FCRL3: variants seen among roughly 807,000 people sequenced by gnomAD.
FCRL3 encodes the protein Fc receptor like 3, also known as Fc receptor-like protein 3.
FCRL3 carries 89 observed loss-of-function variants against 75.0 expected under a neutral mutation model. The ratio of observed to expected loss-of-function variants is 1.19; its 90% CI spans 1.00 to 1.42. The LOEUF is 1.42. FCRL3 is among the 40% of genes most tolerant of loss of function. The pLI, the probability that FCRL3 is intolerant of heterozygous loss-of-function variation, is 0.00. For synonymous variants in FCRL3, 376 were observed against 348.5 expected (o/e 1.08, Z -0.88); for missense variants, 946 against 880.0 (o/e 1.07, Z -0.95).
chr1:157,686,089 A>T (rs567960932), intron 10 of FCRL3, among the ~76,000 whole-genome samples: 1 of 152,230 alleles, frequency 6.6e-6, no homozygotes, highest in Non-Finnish European at 1.5e-5. Context: ...CTCTGCCAAG[A>T]GTAAGGTTTC....
Position 157,678,580 on chromosome 1 carries a change from C to G in FCRL3, c.*130G>C. 6.6e-7 allele frequency: 1 copy of G among 1,514,228 alleles called. No homozygotes were observed. The highest frequency in any genetic ancestry group is 1.3e-5 in the South Asian group (1 of 75,418). 93.8% of individuals were successfully genotyped at this position (1,514,228 alleles called of 1,614,324 possible). On this transcript the variant is annotated 3_prime_UTR_variant, in exon 15 of 15. Coordinates refer to ENST00000368184, the MANE Select transcript of FCRL3 (RefSeq NM_052939.4). ...ACAGGGGAGATTTGCAGACCTTTTG[C>G]TCAGCCTCACATACCCTGCAGCCCA...
At position 157,677,114 on chromosome 1, in the gene FCRL3, C is replaced by G. The variant is rs114125050; in HGVS notation, c.*1596G>C. The G allele has an allele frequency of 1.6e-3, 1,737 of 1,079,548 alleles. 19 individuals carry two copies. In the African/African-American group the frequency reaches 0.026, roughly 16 times the overall value. The allele number at this position is 1,079,548 out of a possible 1,614,324, so 66.9% of individuals were successfully genotyped here. A position where few individuals can be genotyped will look rare whatever the true frequency, so the allele number is the denominator to read the frequency against. On this transcript the variant is annotated 3_prime_UTR_variant, in exon 15 of 15. Transcript: ENST00000368184. ...CACTCAAAGGCCAGGATAAGGGTAA[C>G]AGAGGCCAGTGGGAGCAGTGTGGAT...
At chr1:157,679,486 T>C (rs537667686) in intron 13 of FCRL3, among the ~76,000 whole-genome samples, 11 of 152,242 alleles carry the variant, frequency 7.2e-5, no homozygotes, top group South Asian at 6.2e-4. Context: ...AAGAGTTGCA[T>C]TGGAGCATTG....
rs547233940 is a variant in FCRL3 at position 157,691,101 on chromosome 1, T to C, written c.1412-568A>G. 2.0e-5 allele frequency among the ~76,000 whole-genome samples: 3 copies of C among 152,322 alleles called. No individual in the cohort carries two copies. The South Asian group carries it at 6.2e-4, about 32-fold the overall frequency. On this transcript the variant is annotated intron_variant, in intron 8 of 14. Coordinates refer to ENST00000368184, the MANE Select transcript of FCRL3 (RefSeq NM_052939.4). ...GATGGAGAATTATCTGTTTGTTCGT[T>C]GCTGTATTTATAGCTGTTGGAACTT...
At chr1:157,682,010 T>G (rs1473866722) in intron 11 of FCRL3, among the ~76,000 whole-genome samples, 1 of 151,916 alleles carries the variant, frequency 6.6e-6, no homozygotes, top group Non-Finnish European at 1.5e-5. Flanking sequence ...TGAGCATTTT[T>G]TCATGTGTTT....
At chr1:157,682,141 T>C (rs1654893174) in intron 11 of FCRL3, among the ~76,000 whole-genome samples, 1 of 152,228 alleles carries the variant, frequency 6.6e-6, no homozygotes, top group Admixed American at 6.5e-5. Context: ...TTCCGGATAT[T>C]AGCCGTTTGT....
intron 6 of FCRL3, chr1:157,696,568 G>A: frequency 1.9e-6 from 1 of 521,174 alleles, no homozygotes; most frequent in East Asian, 3.1e-5. Context: ...TAAATCCAAT[G>A]TTTTCTGGTC....
At chr1:157,684,347 C>A (rs1655043427) in intron 10 of FCRL3, among the ~76,000 whole-genome samples, 1 of 152,092 alleles carries the variant, frequency 6.6e-6, no homozygotes, top group African/African-American at 2.4e-5. Context: ...AACATACCAG[C>A]CTTGACTCTC....
At chr1:157,683,467 C>A (rs1206893659) in intron 10 of FCRL3, among the ~76,000 whole-genome samples, 7 of 152,130 alleles carry the variant, frequency 4.6e-5, no homozygotes, top group Admixed American at 4.6e-4. Flanking sequence ...CATTCTGAAT[C>A]ATTTTTCAAT....
intron 10 of FCRL3, among the ~76,000 whole-genome samples, chr1:157,684,736 A>T (rs1655071074): frequency 2.0e-5 from 3 of 152,178 alleles, no homozygotes; most frequent in Admixed American, 2.0e-4. Context: ...AGTGAGTTTA[A>T]CTTATTTGCC....
intron 10 of FCRL3, among the ~76,000 whole-genome samples, chr1:157,684,731 GT>G (rs1655070833): frequency 2.0e-5 from 3 of 152,140 alleles, no homozygotes; most frequent in Admixed American, 2.0e-4. Flanking sequence ...AGTTTAGTGA[GT>G]TTAACTTATT....
chr1:157,700,572 T>C lies in FCRL3; in HGVS notation c.-83A>G. 1 of 1,610,626 alleles carries C rather than the reference T, an allele frequency of 6.2e-7. No individual in the cohort carries two copies. The highest frequency in any genetic ancestry group is 8.5e-7 in the Non-Finnish European group (1 of 1,178,448). ...TCCAAGAAGGAGGGCAGGAAGCTGCTACTCAGATGAGACCTGCAAGAATCA... is the reference window on the plus strand; with the variant it reads ...TCCAAGAAGGAGGGCAGGAAGCTGCCACTCAGATGAGACCTGCAAGAATCA... On this transcript the variant is annotated 5_prime_UTR_variant, in exon 2 of 15. Coordinates refer to ENST00000368184, the MANE Select transcript of FCRL3 (RefSeq NM_052939.4).
chr1:157,693,057 C>T (rs926524666), intron 8 of FCRL3, among the ~76,000 whole-genome samples: 1 of 151,872 alleles, frequency 6.6e-6, no homozygotes, highest in African/African-American at 2.4e-5. Flanking sequence ...GGGTAGATTC[C>T]CTGAGCTCAG....
Position 157,690,475 on chromosome 1 carries a change from C to A in FCRL3, c.1470G>T (p.Gly490=). 3.7e-6 allele frequency: 6 copies of A among 1,614,264 alleles called. No individual in the cohort carries two copies. The highest frequency in any genetic ancestry group is 8.5e-7 in the Non-Finnish European group (1 of 1,180,048). ...ACTCACAGTGAAGCTCCAGCAGGTC[C>A]CCCACCACAGCCTGGGCCCCGGGAG... ...LRAPGAQAVV[G]DLLELHCESL... is the part of the protein sequence containing the mutation. The change falls in exon 9 of 15, where the codon GGG becomes GGT. Residue 490 remains glycine (G), a synonymous_variant. Transcript: ENST00000368184.
At position 157,698,369 on chromosome 1, in the gene FCRL3, C is replaced by T. The variant is rs769496974; in HGVS notation, c.298+15G>A. On this transcript the variant is annotated intron_variant, in intron 4 of 14. Coordinates refer to ENST00000368184, the MANE Select transcript of FCRL3 (RefSeq NM_052939.4). ...CTGGTGGCTTGACTTTAGACACTCC[C>T]CTTCCATTCCTCACCAGGTGAAAAT... 11 of 1,613,930 alleles carry T rather than the reference C, an allele frequency of 6.8e-6. 1 individual carries two copies. Among genetic ancestry groups the T allele is most frequent in the Admixed American group, 3.3e-5 (2 of 60,022 alleles).
At position 157,677,916 on chromosome 1, in the gene FCRL3, CATAG is replaced by C; in HGVS notation, c.*790_*793del. ...TAGAGGAAGAGAATGGGAGAAGCCA[CATAG>C]ATATAGTAGGTTATTGTCTCGGGGT... On this transcript the variant is annotated 3_prime_UTR_variant, in exon 15 of 15. Coordinates refer to ENST00000368184, the MANE Select transcript of FCRL3 (RefSeq NM_052939.4). 1 of 976,186 alleles carries C rather than the reference CATAG, an allele frequency of 1.0e-6. No homozygotes were observed. The highest frequency in any genetic ancestry group is 1.2e-6 in the Non-Finnish European group (1 of 821,960). The allele number at this position is 976,186 out of a possible 1,614,324, so 60.5% of individuals were successfully genotyped here.
At chr1:157,684,619 A>G (rs1180148833) in intron 10 of FCRL3, among the ~76,000 whole-genome samples, 1 of 152,214 alleles carries the variant, frequency 6.6e-6, no homozygotes, top group Non-Finnish European at 1.5e-5. Flanking sequence ...CCTTGAAGAC[A>G]TATGGGCCAG....
At chr1:157,693,044 C>T (rs1037154706) in intron 8 of FCRL3, among the ~76,000 whole-genome samples, 5 of 151,750 alleles carry the variant, frequency 3.3e-5, no homozygotes, top group Non-Finnish European at 5.9e-5. Context: ...GGGAGGCTGT[C>T]GCGGGTAGAT....
chr1:157,699,903 C>G (rs1656204464), intron 2 of FCRL3, among the ~76,000 whole-genome samples, 191 bp from the exon 3 acceptor site: 1 of 152,000 alleles, frequency 6.6e-6, no homozygotes, highest in Admixed American at 6.6e-5. Flanking sequence ...CAAGGCCTGA[C>G]CTCATCTCTG....
Sources: gnomAD v4.1 joint callset for allele counts (sites outside exome capture counted in the v4.1 genomes callset) on GRCh38, gnomAD v4.1.1 for gene constraint, MANE v1.5 for transcripts, NCBI Gene and HGNC (gene_info 2026-07-23, HGNC 2026-07-21) for gene names.